The following GPHN variants were observed in gnomAD, a reference collection of about 807,000 sequenced individuals.
GPHN encodes the protein gephyrin.
In GPHN, 17 loss-of-function variants were observed where a neutral mutation model predicts 95.5. The ratio of observed to expected loss-of-function variants is 0.18; its 90% confidence interval spans 0.12 to 0.27. GPHN has a LOEUF of 0.27. GPHN is among the 10% of genes least tolerant of loss of function. The pLI, the probability that GPHN is intolerant of heterozygous loss-of-function variation, is 1.00. For synonymous variants in GPHN, 320 were observed against 322.5 expected (o/e 0.99, Z 0.08); for missense variants, 660 against 978.1 (o/e 0.67, Z 4.34).
At chr14:67,036,256 A>AT (rs2074416092) in intron 10 of GPHN, among the ~76,000 whole-genome samples, 1 of 151,790 alleles carries the variant, frequency 6.6e-6, no homozygotes, top group Admixed American at 6.6e-5. Flanking sequence ...TGAAAAGCTC[A>AT]TAACATAACA....
chr14:66,623,263 A>T (rs1244480117), intron 1 of GPHN, among the ~76,000 whole-genome samples: 1 of 152,030 alleles, frequency 6.6e-6, no homozygotes, highest in South Asian at 2.1e-4. Flanking sequence ...ACAGCACACG[A>T]AAGACCCACC....
At chr14:66,991,833 C>A (rs2071441329) in intron 9 of GPHN, among the ~76,000 whole-genome samples, 1 of 144,970 alleles carries the variant, frequency 6.9e-6, no homozygotes, top group Non-Finnish European at 1.5e-5. Context: ...GATCGCTCTG[C>A]TGCACTCCAG....
intron 1 of GPHN, among the ~76,000 whole-genome samples, chr14:66,544,164 C>CT (rs1358553223): frequency 6.6e-6 from 1 of 152,208 alleles, no homozygotes; most frequent in Non-Finnish European, 1.5e-5. Context: ...TGCAGATGGG[C>CT]TTTCACCTTA....
intron 12 of GPHN, among the ~76,000 whole-genome samples, chr14:67,092,842 A>G (rs543115046): frequency 6.6e-6 from 1 of 152,262 alleles, no homozygotes; most frequent in African/African-American, 2.4e-5. Flanking sequence ...GAATCAATAC[A>G]GTATTTTTAT....
chr14:67,364,682 T>C, the GPHN span: 1 of 1,345,182 alleles, frequency 7.4e-7, no homozygotes, highest in Non-Finnish European at 1.0e-6. Flanking sequence ...TCATCTTTTC[T>C]TTCAGTGGCA....
At chr14:66,712,043 A>G (rs1281331372) in intron 2 of GPHN, among the ~76,000 whole-genome samples, 3 of 152,214 alleles carry the variant, frequency 2.0e-5, no homozygotes, top group East Asian at 1.9e-4. Context: ...TAGTGCCGCA[A>G]TAAACATACA....
At chr14:66,510,690 T>G (rs559480664) in intron 1 of GPHN, among the ~76,000 whole-genome samples, 23 of 152,186 alleles carry the variant, frequency 1.5e-4, no homozygotes, top group Non-Finnish European at 2.9e-4. Flanking sequence ...AAGAAGAAAC[T>G]GTCAATTTTA....
At chr14:67,342,461 T>C in the GPHN span, among the ~76,000 whole-genome samples, 1 of 151,106 alleles carries the variant, frequency 6.6e-6, no homozygotes, top group East Asian at 1.9e-4. Flanking sequence ...GCAGAGAGAA[T>C]GCTCGATTGA....
At chr14:67,562,850 G>A in the GPHN span, 1 of 1,613,436 alleles carries the variant, frequency 6.2e-7, no homozygotes, top group African/African-American at 1.3e-5. Context: ...AGTGGAGCTG[G>A]GTAACAAGCC....
At chr14:67,730,195 G>A in the GPHN span, among the ~76,000 whole-genome samples, 18 of 152,278 alleles carry the variant, frequency 1.2e-4, no homozygotes, top group East Asian at 3.9e-4. Context: ...AAACTGAGGC[G>A]CAAGATAATT....
rs112318539 is a variant in GPHN, at chr14:66,890,583, A to G, written c.389+10550A>G. On this transcript the variant is annotated intron_variant, in intron 5 of 22. Transcript: ENST00000478722. ...CAACACTTCCTAACTCATTTTATGA[A>G]TGGCAGCATTGGTCTCATACCAAAG... Among the ~76,000 whole-genome samples the G allele has an allele frequency of 3.1e-3, 470 of 152,288 alleles. 11 individuals are homozygous for G. Among genetic ancestry groups the G allele is most frequent in the African/African-American group, 0.011 (445 of 41,568 alleles).
rs1001001750 is a variant in GPHN at position 66,762,091 on chromosome 14, G to A, written c.144-14373G>A. Among the ~76,000 whole-genome samples, 4 of 150,678 alleles carry A rather than the reference G, an allele frequency of 2.7e-5. No homozygotes were observed. The South Asian group carries it at 6.3e-4, about 24-fold the overall frequency. On this transcript the variant is annotated intron_variant, in intron 2 of 22. Transcript: ENST00000478722. ...TTTGGAAAGTAGAATTTATGGGTAC[G>A]CCATCTGTTCATTATTTGCACATAA...
chr14:67,646,159 T>C, the GPHN span, among the ~76,000 whole-genome samples: 1 of 152,140 alleles, frequency 6.6e-6, no homozygotes, highest in Non-Finnish European at 1.5e-5. Flanking sequence ...TCAGAATATA[T>C]GGGAGTCCAT....
At chr14:67,507,798 G>C in the GPHN span, among the ~76,000 whole-genome samples, 1 of 152,156 alleles carries the variant, frequency 6.6e-6, no homozygotes, top group African/African-American at 2.4e-5. Context: ...GTGAGTATAA[G>C]GGTGTACAGA....
At chr14:67,590,059 T>C in the GPHN span, 1 of 1,545,188 alleles carries the variant, frequency 6.5e-7, no homozygotes, top group African/African-American at 1.4e-5. Context: ...AAGACAATGC[T>C]GGCCTTCTGA....
the GPHN span, among the ~76,000 whole-genome samples, chr14:67,644,806 G>A: frequency 1.3e-5 from 2 of 152,060 alleles, no homozygotes; most frequent in African/African-American, 4.8e-5. Flanking sequence ...AGACCAGCCT[G>A]GCCAACATGT....
the GPHN span, among the ~76,000 whole-genome samples, chr14:67,247,911 G>C: frequency 6.6e-6 from 1 of 152,132 alleles, no homozygotes; most frequent in Non-Finnish European, 1.5e-5. Flanking sequence ...AAAGTATTCA[G>C]TCTTTCACTT....
the GPHN span, among the ~76,000 whole-genome samples, chr14:67,225,867 C>G: frequency 6.6e-6 from 1 of 151,526 alleles, no homozygotes; most frequent in East Asian, 1.9e-4. Context: ...AGAGTGGAAG[C>G]AATGCAATTT....
chr14:67,680,256 T>C, the GPHN span, among the ~76,000 whole-genome samples: 1 of 152,220 alleles, frequency 6.6e-6, no homozygotes, highest in Non-Finnish European at 1.5e-5. Context: ...GTATGACCAG[T>C]ACAACTTGCC....
Sources: gnomAD v4.1 joint callset for allele counts (sites outside exome capture counted in the v4.1 genomes callset) on GRCh38, gnomAD v4.1.1 for gene constraint, MANE v1.5 for transcripts, NCBI Gene and HGNC (gene_info 2026-07-23, HGNC 2026-07-21) for gene names.